TBC1D10A: variants seen among roughly 807,000 people sequenced by gnomAD.
TBC1D10A encodes the protein EBP50-PDX interactor of 64 kDa.
In TBC1D10A, 24 loss-of-function variants were observed where a neutral mutation model predicts 52.9. The observed-to-expected ratio is 0.45, with a 90% CI of 0.33 to 0.64. TBC1D10A has a LOEUF of 0.64. Ranked by LOEUF, TBC1D10A falls within the 30% of genes least tolerant of loss-of-function variation. The pLI, the probability that TBC1D10A is intolerant of heterozygous loss-of-function variation, is 0.02. For missense variants in TBC1D10A, 602 were observed against 687.9 expected (o/e 0.88, Z 1.40); for synonymous variants, 278 against 282.9 (o/e 0.98, Z 0.17).
chr22:30,294,912 C>G lies in TBC1D10A; in HGVS notation c.639+29G>C, dbSNP rs375153300. The G allele has an allele frequency of 1.3e-4, 213 of 1,614,052 alleles. No homozygotes were observed. In the African/African-American group the frequency reaches 2.3e-3, roughly 17 times the overall value. ...TTGCCGTTGGGGGTTCCCCACCCAC[C>G]CCCCTGCCTGCCCGGGGCCTGGTGG... On this transcript the variant is annotated intron_variant, in intron 5 of 8. Coordinates refer to ENST00000215790, the MANE Select transcript of TBC1D10A (RefSeq NM_031937.3).
chr22:30,309,104 A>AC (rs1214619644), intron 1 of TBC1D10A, among the ~76,000 whole-genome samples: 1 of 151,784 alleles, frequency 6.6e-6, no homozygotes. Flanking sequence ...AGACAGTCTA[A>AC]CCCCCTCCTC....
In TBC1D10A at chr22:30,292,448, G is replaced by A; in HGVS notation, c.1454C>T (p.Ala485Val). 1 of 1,601,998 alleles carries A rather than the reference G, an allele frequency of 6.2e-7. No homozygotes were observed. Among genetic ancestry groups the A allele is most frequent in the Middle Eastern group, 1.7e-4 (1 of 5,988 alleles). The change falls in exon 9 of 9, where the codon GCT becomes GTT. Residue 485 changes from alanine (A) to valine (V), a missense_variant. Coordinates refer to ENST00000215790, the MANE Select transcript of TBC1D10A (RefSeq NM_031937.3). ...GCGGTGGTGGGCTGAGACCTGGGGA[G>A]CCAAATCCTGAGGGGCTGAGTCCTT... is the stretch of plus-strand genomic sequence containing the variant. Reference protein sequence around the residue: ...APKDSAPQDLAPQVSAHHRSQ... With the variant: ...APKDSAPQDLVPQVSAHHRSQ...
At position 30,292,739 on chromosome 22, in the gene TBC1D10A, T is replaced by C. The variant is rs770300745; in HGVS notation, c.1163A>G (p.His388Arg). ...ELQCRSPPRL[H>R]GAKAILDAEP... ...TGCATCCAAGATAGCCTTGGCACCA[T>C]GCAGCCTGGGCGGGGAGCGGCACTG... Residue 388 changes from histidine (H) to arginine (R), a missense_variant, in exon 9 of 9, where the codon CAT becomes CGT. By Grantham distance (29) the His-to-Arg change is conservative (BLOSUM62 0). Coordinates refer to ENST00000215790, the MANE Select transcript of TBC1D10A (RefSeq NM_031937.3). 5 of 1,611,786 alleles carry C rather than the reference T, an allele frequency of 3.1e-6. No homozygotes were observed. Among genetic ancestry groups the C allele is most frequent in the Middle Eastern group, 1.7e-4 (1 of 5,884 alleles).
At chr22:30,308,292 A>ATGCCTGCCTGCCTGCC (rs140730872) in intron 1 of TBC1D10A, among the ~76,000 whole-genome samples, 5 of 78,718 alleles carry the variant, frequency 6.4e-5, no homozygotes, top group South Asian at 4.5e-4. Flanking sequence ...GCATGCCTGC[A>ATGCCTGCCTGCCTGCC]TGCCTGCATG....
rs1485086309 is a variant in TBC1D10A, at chr22:30,326,603, G to A, written c.209+70C>T. 4.1e-6 allele frequency: 6 copies of A among 1,451,296 alleles called. No individual in the cohort carries two copies. The Admixed American group carries it at 1.3e-4, about 30-fold the overall frequency. The allele number at this position is 1,451,296 out of a possible 1,614,324, so 89.9% of individuals were successfully genotyped here. ...GGGGGACGTGTCGGCAAGTCCCGAG[G>A]GCGCCTCCGTCCGTGTCGAGGCCCC... On this transcript the variant is annotated intron_variant, in intron 1 of 8. Transcript: ENST00000215790.
chr22:30,296,851 G>A (rs1442909882), intron 3 of TBC1D10A: 1 of 152,232 alleles, frequency 6.6e-6, no homozygotes, highest in Non-Finnish European at 1.5e-5. Flanking sequence ...AGCCCAGAGG[G>A]CTGAGCAGGG....
At chr22:30,310,215 C>A (rs149221928) in intron 1 of TBC1D10A, among the ~76,000 whole-genome samples, 3 of 152,182 alleles carry the variant, frequency 2.0e-5, no homozygotes, top group Non-Finnish European at 4.4e-5. Flanking sequence ...GGGGTCATAA[C>A]GCACACCTCA....
At chr22:30,303,328 G>A (rs545848194) in intron 2 of TBC1D10A, among the ~76,000 whole-genome samples, 2 of 152,340 alleles carry the variant, frequency 1.3e-5, no homozygotes, top group South Asian at 4.1e-4. Flanking sequence ...CAGACAGACA[G>A]ACAGACAGAC....
rs1930147191 is a variant in TBC1D10A at position 30,299,135 on chromosome 22, AC to A, written c.417+308del. 9.0e-5 allele frequency: 25 copies of A among 276,460 alleles called. 1 individual carries two copies. The highest frequency in any genetic ancestry group is 1.2e-3 in the Middle Eastern group (1 of 866). The allele number at this position is 276,460 out of a possible 1,614,324, so 17.1% of individuals were successfully genotyped here. On this transcript the variant is annotated intron_variant, in intron 3 of 8. Coordinates refer to ENST00000215790, the MANE Select transcript of TBC1D10A (RefSeq NM_031937.3). ...ATGACCAAGAGCAGGGAGGTAGCCT[AC>A]TGAGCCCAGGAAAGCAAAACCTGAG...
chr22:30,295,501 C>T (rs944397356), intron 4 of TBC1D10A, among the ~76,000 whole-genome samples: 6 of 152,174 alleles, frequency 3.9e-5, no homozygotes. Context: ...AACCTGTTTC[C>T]GGAAGAGGGC....
intron 1 of TBC1D10A, among the ~76,000 whole-genome samples, chr22:30,312,423 T>C (rs1930444517): frequency 6.6e-6 from 1 of 152,190 alleles, no homozygotes; most frequent in Non-Finnish European, 1.5e-5. Context: ...CTCGGGAGAC[T>C]GAAGTGGGAG....
At chr22:30,314,469 G>A (rs191378342) in intron 1 of TBC1D10A, among the ~76,000 whole-genome samples, 2 of 152,282 alleles carry the variant, frequency 1.3e-5, no homozygotes, top group Non-Finnish European at 2.9e-5. Flanking sequence ...ACTATCCTGG[G>A]AGGATGGAGG....
intron 1 of TBC1D10A, among the ~76,000 whole-genome samples, chr22:30,309,748 TC>T (rs1930388430): frequency 1.3e-5 from 2 of 152,204 alleles, no homozygotes; most frequent in African/African-American, 4.8e-5. Context: ...GCTTGAGGCT[TC>T]CAAAAGTTCA....
At chr22:30,321,902 C>T (rs1953540536) in intron 1 of TBC1D10A, among the ~76,000 whole-genome samples, 1 of 152,100 alleles carries the variant, frequency 6.6e-6, no homozygotes, top group African/African-American at 2.4e-5. Context: ...CTTCCTGCTC[C>T]AAAGTGACAG....
At chr22:30,325,544 A>G (rs983904688) in intron 1 of TBC1D10A, among the ~76,000 whole-genome samples, 15 of 152,216 alleles carry the variant, frequency 9.9e-5, no homozygotes, top group Middle Eastern at 3.4e-3. Context: ...TGTGCACAAC[A>G]CTGGTCTCAC....
chr22:30,303,270 C>A (rs946519441), intron 2 of TBC1D10A, among the ~76,000 whole-genome samples: 2 of 152,018 alleles, frequency 1.3e-5, no homozygotes, highest in African/African-American at 4.8e-5. Context: ...CAGAGTGAGA[C>A]CCTGTCTCAA....
In TBC1D10A at chr22:30,295,950, T is replaced by C. The variant is rs559643452; in HGVS notation, c.418-107A>G. On this transcript the variant is annotated intron_variant, in intron 3 of 8. Transcript: ENST00000215790. ...GGAGGGGGCCCTCCACCAGGGGCAG[T>C]GCCCACCCAAGCCCATCACAGACTG... 5.6e-4 allele frequency: 547 copies of C among 970,442 alleles called. 3 individuals carry two copies. In the African/African-American group the frequency reaches 7.6e-3, roughly 14 times the overall value. 60.1% of individuals were successfully genotyped at this position (970,442 alleles called of 1,614,324 possible). A position where few individuals can be genotyped will look rare whatever the true frequency, so the allele number is the denominator to read the frequency against.
At chr22:30,294,659 G>T in intron 6 of TBC1D10A, 137 bp downstream of exon 6, 3 of 1,055,550 alleles carry the variant, frequency 2.8e-6, no homozygotes, top group East Asian at 2.5e-5. Context: ...ACCCTGGCAG[G>T]CCTTGGGACT....
chr22:30,293,828 G>C (rs1569158576), intron 7 of TBC1D10A, 23 bp from the exon 8 acceptor site: 11 of 1,603,898 alleles, frequency 6.9e-6, no homozygotes, highest in African/African-American at 1.3e-5. Flanking sequence ...TGGGCAGTAA[G>C]TACAAGGAAG....
Sources: gnomAD v4.1 joint callset for allele counts (sites outside exome capture counted in the v4.1 genomes callset) on GRCh38, gnomAD v4.1.1 for gene constraint, MANE v1.5 for transcripts, NCBI Gene and HGNC (gene_info 2026-07-23, HGNC 2026-07-21) for gene names.